KCNH8: variants seen among roughly 807,000 people sequenced by gnomAD.
The protein encoded by KCNH8 is voltage-gated delayed rectifier potassium channel KCNH8.
A neutral mutation model predicts 103.6 loss-of-function variants in KCNH8; 70 were observed. The ratio of observed to expected loss-of-function variants is 0.68; its 90% confidence interval spans 0.56 to 0.82. The LOEUF (loss-of-function observed/expected upper bound fraction) is 0.82. Among genes scored for constraint, KCNH8 ranks in the 40% least tolerant of loss-of-function variants. The pLI, the probability that KCNH8 is intolerant of heterozygous loss-of-function variation, is 0.00. For missense variants in KCNH8, 1,217 were observed against 1,329.9 expected, an observed-to-expected ratio of 0.92 and a Z score of 1.32; for synonymous variants, 498 against 489.4, an observed-to-expected ratio of 1.02 and a Z score of -0.23.
rs553069943 is a variant in KCNH8, at chr3:19,212,722, G to T, written c.77-40932G>T. On this transcript the variant is annotated intron_variant, in intron 1 of 15. Coordinates refer to ENST00000328405, the MANE Select transcript of KCNH8 (RefSeq NM_144633.3). ...AGGAGCTCTGGCAAAGATAATTCAG[G>T]AACTACCTGGAAAGGATTTGCCTTT... Among the ~76,000 whole-genome samples the T allele has an allele frequency of 8.0e-4, 122 of 152,186 alleles. 1 individual carries two copies. Among genetic ancestry groups the T allele is most frequent in the African/African-American group, 2.8e-3 (115 of 41,534 alleles).
rs1469875971 is a variant in KCNH8 at position 19,253,834 on chromosome 3, C to G, written c.257C>G (p.Ser86Ter). ...NEQLMLQIEK[S>*]LEEKTEFKGE... ...CAACTGATGCTTCAAATAGAAAAGT[C>G]ACTGGAGGAGAAAACAGAATTCAAA... Residue 86 changes from serine (S) to a stop codon, truncating the protein, a stop_gained, in exon 2 of 16, where the codon TCA (serine) becomes TGA (stop). Coordinates refer to ENST00000328405, the MANE Select transcript of KCNH8 (RefSeq NM_144633.3). LOFTEE classifies it high-confidence loss of function. The G allele has an allele frequency of 6.2e-7, 1 of 1,613,760 alleles. No individual in the cohort carries two copies. The highest frequency in any genetic ancestry group is 1.1e-5 in the South Asian group (1 of 91,054).
chr3:19,448,143 T>C (rs1051543376), intron 8 of KCNH8, among the ~76,000 whole-genome samples: 1 of 151,992 alleles, frequency 6.6e-6, no homozygotes. Flanking sequence ...TTTTGATACA[T>C]ATACTAGGCA....
At position 19,289,873 on chromosome 3, in the gene KCNH8, C is replaced by T. The variant is rs1014128791; in HGVS notation, c.442+8544C>T. On this transcript the variant is annotated intron_variant, in intron 3 of 15. Transcript: ENST00000328405. Reference sequence around the variant, plus strand: ...TTTCACGATATTGATTCTTCCTACCCATGAGCATGGAATATTCTTCCATTT... The same window carrying T: ...TTTCACGATATTGATTCTTCCTACCTATGAGCATGGAATATTCTTCCATTT... Among the ~76,000 whole-genome samples, 51 of 152,288 alleles carry T rather than the reference C, an allele frequency of 3.3e-4. 1 individual carries two copies. Among genetic ancestry groups the T allele is most frequent in the African/African-American group, 1.2e-3 (50 of 41,558 alleles).
intron 7 of KCNH8, among the ~76,000 whole-genome samples, chr3:19,403,401 A>ATATAT (rs1559311343): frequency 9.5e-6 from 1 of 105,210 alleles, no homozygotes; most frequent in African/African-American, 3.2e-5. Context: ...TATATATATA[A>ATATAT]AATCCTTCTG....
At chr3:19,160,714 T>C (rs1007835730) in intron 1 of KCNH8, among the ~76,000 whole-genome samples, 2 of 152,026 alleles carry the variant, frequency 1.3e-5, no homozygotes, top group African/African-American at 4.8e-5. Flanking sequence ...CCCTTCTGAG[T>C]AGTGTGATGA....
chr3:19,322,587 A>C (rs1192126210), intron 3 of KCNH8, among the ~76,000 whole-genome samples: 3 of 152,118 alleles, frequency 2.0e-5, no homozygotes, highest in African/African-American at 7.2e-5. Flanking sequence ...GTTTTCTTTT[A>C]TAGGTTATCT....
chr3:19,182,681 A>G (rs556527504), intron 1 of KCNH8, among the ~76,000 whole-genome samples: 186 of 152,192 alleles, frequency 1.2e-3, no homozygotes, highest in Non-Finnish European at 2.2e-3. Context: ...CAGTAGTACT[A>G]GCTGAGCCCT....
Position 19,347,750 on chromosome 3 carries a change from T to G in KCNH8, c.596T>G (p.Phe199Cys). ...NNNVFVDKPA[F>C]PEYKVSDAKK... ...AATGTTTTTGTAGATAAACCAGCAT[T>G]TCCGGAGTATAAAGTTTCTGATGCA... The change falls in exon 5 of 16, where the codon TTT becomes TGT. Residue 199 changes from phenylalanine (F) to cysteine (C), a missense_variant. Coordinates refer to ENST00000328405, the MANE Select transcript of KCNH8 (RefSeq NM_144633.3). The G allele has an allele frequency of 6.2e-7, 1 of 1,613,128 alleles. No individual in the cohort carries two copies. Among genetic ancestry groups the G allele is most frequent in the Non-Finnish European group, 8.5e-7 (1 of 1,179,324 alleles).
At chr3:19,177,286 T>C (rs2063410042) in intron 1 of KCNH8, among the ~76,000 whole-genome samples, 1 of 152,098 alleles carries the variant, frequency 6.6e-6, no homozygotes, top group Non-Finnish European at 1.5e-5. Flanking sequence ...TTTAATGCTT[T>C]GTGTGTGTCT....
chr3:19,479,117 G>A (rs986635958), intron 11 of KCNH8, among the ~76,000 whole-genome samples: 1 of 152,122 alleles, frequency 6.6e-6, no homozygotes, highest in Admixed American at 6.6e-5. Context: ...AACCTCCTAA[G>A]TGGGTTCCAT....
At chr3:19,272,999 A>G (rs753376591) in intron 2 of KCNH8, among the ~76,000 whole-genome samples, 3 of 152,300 alleles carry the variant, frequency 2.0e-5, no homozygotes, top group Non-Finnish European at 4.4e-5. Context: ...ATAAATATCC[A>G]CTGAATGAAT....
In KCNH8 at chr3:19,534,682, G is replaced by A. The variant is rs1372047638; in HGVS notation, c.*583G>A. 6.6e-6 allele frequency: 1 copy of A among 152,298 alleles called. No individual in the cohort carries two copies. The highest frequency in any genetic ancestry group is 2.4e-5 in the African/African-American group (1 of 41,288). 9.4% of individuals were successfully genotyped at this position (152,298 alleles called of 1,614,324 possible). A position where few individuals can be genotyped will look rare whatever the true frequency, so the allele number is the denominator to read the frequency against. ...CTTTATTTATCAAAAAAACACAGAGGCTATTTTTATATCCTTGGTATGAAA... is the reference window on the plus strand; with the variant it reads ...CTTTATTTATCAAAAAAACACAGAGACTATTTTTATATCCTTGGTATGAAA... On this transcript the variant is annotated 3_prime_UTR_variant, in exon 16 of 16. Transcript: ENST00000328405.
intron 13 of KCNH8, 46 bp downstream of exon 13, chr3:19,513,371 T>C (rs534739192): frequency 1.8e-5 from 28 of 1,540,812 alleles, no homozygotes; most frequent in Admixed American, 4.1e-5. Context: ...CGTGGCTGCC[T>C]TTTATACAGA....
chr3:19,459,550 T>A (rs192658963), intron 11 of KCNH8, among the ~76,000 whole-genome samples: 189 of 152,228 alleles, frequency 1.2e-3, no homozygotes, highest in African/African-American at 4.3e-3. Flanking sequence ...ATTCTGTAGA[T>A]TGTCTCTTGA....
intron 4 of KCNH8, among the ~76,000 whole-genome samples, chr3:19,343,573 A>G (rs1209519790): frequency 6.6e-6 from 1 of 152,134 alleles, no homozygotes; most frequent in Non-Finnish European, 1.5e-5. Context: ...CAGATTAAAT[A>G]CCAGCATCTA....
At chr3:19,379,087 C>A (rs1272982895) in intron 5 of KCNH8, among the ~76,000 whole-genome samples, 2 of 152,140 alleles carry the variant, frequency 1.3e-5, no homozygotes, top group African/African-American at 2.4e-5. Flanking sequence ...CAGGTACTAT[C>A]TTGGGCAACT....
chr3:19,516,281 C>A (rs565582909), intron 14 of KCNH8, among the ~76,000 whole-genome samples: 3 of 152,172 alleles, frequency 2.0e-5, no homozygotes, highest in African/African-American at 7.2e-5. Context: ...TTTGAATATA[C>A]AGTTCTGGAG....
At chr3:19,505,217 TG>T (rs1267464320) in intron 11 of KCNH8, among the ~76,000 whole-genome samples, 1 of 151,696 alleles carries the variant, frequency 6.6e-6, no homozygotes, top group African/African-American at 2.4e-5. Flanking sequence ...GAAAACCAAA[TG>T]CCACATTTTC....
At chr3:19,181,447 T>C (rs1267748212) in intron 1 of KCNH8, among the ~76,000 whole-genome samples, 1 of 152,122 alleles carries the variant, frequency 6.6e-6, no homozygotes, top group African/African-American at 2.4e-5. Flanking sequence ...CTTGGGTTTC[T>C]GAATAAATTA....
Sources: allele counts gnomAD v4.1 joint callset (sites outside exome capture counted in the v4.1 genomes callset), GRCh38; gene constraint gnomAD v4.1.1; transcripts MANE v1.5; gene names NCBI Gene and HGNC (gene_info 2026-07-23, HGNC 2026-07-21).